The following ZFP64 variants were observed in gnomAD, a reference collection of about 807,000 sequenced individuals.
The protein encoded by ZFP64 is ZFP64 zinc finger protein.
Under a neutral mutation model 51.6 loss-of-function variants are expected in ZFP64, and 14 were observed. The ratio of observed to expected loss-of-function variants is 0.27; its 90% CI spans 0.18 to 0.42. The LOEUF (loss-of-function observed/expected upper bound fraction) is 0.42. Ranked by LOEUF, ZFP64 falls within the 10% of genes least tolerant of loss-of-function variation. The probability of loss-of-function intolerance (pLI) is 1.00; values close to 1 mark genes in which losing one functional copy is unlikely to be tolerated. For missense variants in ZFP64, 754 were observed against 906.8 expected (o/e 0.83, Z 2.16); for synonymous variants, 375 against 361.4 (o/e 1.04, Z -0.43).
At chr20:52,105,270 G>A (rs1878710355) in intron 5 of ZFP64, 1 of 1,311,440 alleles carries the variant, frequency 7.6e-7, no homozygotes, top group South Asian at 2.4e-5. Flanking sequence ...CGCGTCCCTA[G>A]GAGTGGCCTA....
downstream of ZFP64, among the ~76,000 whole-genome samples, chr20:52,149,914 A>G (rs1251795043): frequency 6.6e-6 from 1 of 152,334 alleles, no homozygotes; most frequent in Admixed American, 6.5e-5. Flanking sequence ...AAGCATAAAA[A>G]AAGATTGATA....
At chr20:52,164,078 A>G (rs1050062584) in intron 4 of ZFP64, among the ~76,000 whole-genome samples, 4 of 152,170 alleles carry the variant, frequency 2.6e-5, no homozygotes, top group African/African-American at 7.2e-5. Context: ...TGGGAAGGCA[A>G]GGTGGGTGGA....
intron 5 of ZFP64, among the ~76,000 whole-genome samples, chr20:52,109,312 C>T (rs990376400): frequency 6.6e-6 from 1 of 152,106 alleles, no homozygotes; most frequent in South Asian, 2.1e-4. Context: ...TACAGGCACC[C>T]ACCACCATGC....
intron 6 of ZFP64, among the ~76,000 whole-genome samples, chr20:52,097,712 G>A (rs867406583): frequency 2.6e-5 from 4 of 151,984 alleles, no homozygotes; most frequent in South Asian, 2.1e-4. Flanking sequence ...TGCCCGCCCC[G>A]GCTTCCCAAA....
chr20:52,092,165 TAAG>T (rs893344128), intron 7 of ZFP64, among the ~76,000 whole-genome samples: 17 of 152,290 alleles, frequency 1.1e-4, no homozygotes, highest in Non-Finnish European at 1.5e-4. Flanking sequence ...AAATGGTGCT[TAAG>T]AAGGAAGGCT....
intron 2 of ZFP64, among the ~76,000 whole-genome samples, chr20:52,180,354 G>C (rs1165348026): frequency 6.6e-6 from 1 of 151,970 alleles, no homozygotes; most frequent in Non-Finnish European, 1.5e-5. Context: ...CACTTCTCTA[G>C]TTCACTGCCC....
chr20:52,091,195 C>G (rs1420226816), intron 7 of ZFP64, among the ~76,000 whole-genome samples: 3 of 152,068 alleles, frequency 2.0e-5, no homozygotes, highest in Non-Finnish European at 4.4e-5. Context: ...TTACATTTCC[C>G]TCTTAAAGAT....
At chr20:52,136,113 A>G (rs1432749464) in intron 5 of ZFP64, among the ~76,000 whole-genome samples, 1 of 150,354 alleles carries the variant, frequency 6.7e-6, no homozygotes, top group Admixed American at 6.6e-5. Context: ...AAAAAAAAAA[A>G]AAAAAAAGAA....
chr20:52,136,859 C>A (rs749900375), intron 5 of ZFP64, among the ~76,000 whole-genome samples: 5 of 152,022 alleles, frequency 3.3e-5, no homozygotes, highest in African/African-American at 4.8e-5. Context: ...CTCTGCCTCC[C>A]GGGCAAGTGA....
intron 2 of ZFP64, among the ~76,000 whole-genome samples, chr20:52,180,547 C>CAAAAAAAAAAAAA (rs10669415): frequency 4.6e-5 from 4 of 87,164 alleles, no homozygotes; most frequent in East Asian, 3.7e-4. Context: ...CCAGAAATGG[C>CAAAAAAAAAAAAA]AAAAAAAAAA....
At chr20:52,130,124 G>A (rs1979652892) in intron 5 of ZFP64, among the ~76,000 whole-genome samples, 1 of 152,054 alleles carries the variant, frequency 6.6e-6, no homozygotes, top group Non-Finnish European at 1.5e-5. Context: ...TGACCCGCAG[G>A]CTCCTCTCCC....
In ZFP64 at chr20:52,085,047, A is replaced by G; in HGVS notation, c.1448T>C (p.Leu483Pro). Reference sequence around the variant, plus strand: ...GGCCTGGTGCAGCCGGCTGTGCTCCAGGAGGTCAGCCCGGTCCCGGCCCTG... The same window carrying G: ...GGCCTGGTGCAGCCGGCTGTGCTCCGGGAGGTCAGCCCGGTCCCGGCCCTG... The change falls in exon 9 of 9, where the codon CTG (leucine) becomes CCG (proline). Residue 483 changes from leucine (L) to proline (P), a missense_variant. Coordinates refer to the ZFP64 transcript ENST00000361387. The surrounding 1 kb of genome is among the most constrained non-coding windows in gnomAD (Gnocchi z 4.3). 1.2e-6 allele frequency: 2 copies of G among 1,614,174 alleles called. No homozygotes were observed. The highest frequency in any genetic ancestry group is 1.7e-6 in the Non-Finnish European group (2 of 1,180,012).
At chr20:52,149,674 T>C (rs1980694830), downstream of ZFP64, among the ~76,000 whole-genome samples, 1 of 151,982 alleles carries the variant, frequency 6.6e-6, no homozygotes, top group Admixed American at 6.6e-5. Context: ...TTCCAAAGAG[T>C]AAGTTTTACT....
chr20:52,162,967 T>G (rs990008598), intron 4 of ZFP64, among the ~76,000 whole-genome samples: 3 of 142,096 alleles, frequency 2.1e-5, no homozygotes, highest in Non-Finnish European at 3.1e-5. Context: ...AAACACAAGG[T>G]AGGCTAACTG....
chr20:52,147,750 C>T (rs1342991659), downstream of ZFP64, among the ~76,000 whole-genome samples: 1 of 152,138 alleles, frequency 6.6e-6, no homozygotes, highest in African/African-American at 2.4e-5. Context: ...CACCGTGGCT[C>T]ACACCTGTAA....
intron 5 of ZFP64, among the ~76,000 whole-genome samples, chr20:52,101,067 G>A (rs927941537): frequency 5.3e-5 from 8 of 152,182 alleles, no homozygotes; most frequent in South Asian, 2.1e-4. Flanking sequence ...CTGTTTGCAT[G>A]CATGTTTGAG....
At chr20:52,099,079 A>G (rs532734889) in intron 5 of ZFP64, among the ~76,000 whole-genome samples, 1 of 151,470 alleles carries the variant, frequency 6.6e-6, no homozygotes, top group African/African-American at 2.4e-5. Flanking sequence ...ACGGTTTCCA[A>G]GAAGTACAGG....
At chr20:52,094,059 G>A (rs1451663541) in intron 7 of ZFP64, among the ~76,000 whole-genome samples, 4 of 152,152 alleles carry the variant, frequency 2.6e-5, no homozygotes, top group African/African-American at 9.7e-5. Flanking sequence ...GGTCAAGAAC[G>A]CCTTCATCTG....
At position 52,105,439 on chromosome 20, in the gene ZFP64, G is replaced by A. The variant is rs1978306779; in HGVS notation, c.764-6852C>T. On this transcript the variant is annotated intron_variant, in intron 5 of 8. Transcript: ENST00000361387. ...GACCCCAGGAGTCCCGCGGACTTGC[G>A]GTCCGCTCCCGGGCAGCCCGCGCCA... The A allele has an allele frequency of 1.3e-5, 15 of 1,149,824 alleles. 1 individual carries two copies. The South Asian group carries it at 5.4e-4, about 42-fold the overall frequency. 71.2% of individuals were successfully genotyped at this position (1,149,824 alleles called of 1,614,324 possible). A position where few individuals can be genotyped will look rare whatever the true frequency, so the allele number is the denominator to read the frequency against.
Sources: gnomAD v4.1 joint callset for allele counts (sites outside exome capture counted in the v4.1 genomes callset) on GRCh38, gnomAD v4.1.1 for gene constraint, Gnocchi (gnomAD v3.1) non-coding constraint, MANE v1.5 for transcripts, NCBI Gene and HGNC (gene_info 2026-07-23, HGNC 2026-07-21) for gene names.